ARHGAP12: variants seen among roughly 807,000 people sequenced by gnomAD.
ARHGAP12 encodes rho GTPase-activating protein 12.
A neutral mutation model predicts 108.6 loss-of-function variants in ARHGAP12; 64 were observed. The observed-to-expected ratio is 0.59, with a 90% CI of 0.48 to 0.73. The LOEUF (loss-of-function observed/expected upper bound fraction) is 0.73, where lower values mean the gene tolerates loss of function less well. ARHGAP12 is among the 30% of genes least tolerant of loss of function. The probability of loss-of-function intolerance (pLI) is 0.00; values close to 1 mark genes in which losing one functional copy is unlikely to be tolerated. For synonymous variants in ARHGAP12, 312 were observed against 337.2 expected (o/e 0.93, Z 0.82); for missense variants, 940 against 1,005.9 (o/e 0.93, Z 0.89).
At chr10:31,825,193 T>C (rs2808103) in intron 11 of ARHGAP12, among the ~76,000 whole-genome samples, 37,860 of 151,996 alleles carry the variant, frequency 0.25, 4,924 homozygotes, top group East Asian at 0.38. Context: ...TCAGAGAAGC[T>C]GAGGAATAAT....
At chr10:31,891,864 T>C (rs573768012) in intron 3 of ARHGAP12, among the ~76,000 whole-genome samples, 1 of 152,358 alleles carries the variant, frequency 6.6e-6, no homozygotes, top group South Asian at 2.1e-4. Context: ...TTCTTCCAGC[T>C]GATCGAATTG....
At chr10:31,808,856 TG>T in intron 18 of ARHGAP12, 105 bp from the exon 19 acceptor site, 1 of 1,364,844 alleles carries the variant, frequency 7.3e-7, no homozygotes, top group Non-Finnish European at 1.0e-6. Context: ...TGACATCTGG[TG>T]GTCACATTTA....
At chr10:31,928,132 G>A (rs1434124847) in intron 1 of ARHGAP12, among the ~76,000 whole-genome samples, 3 of 152,174 alleles carry the variant, frequency 2.0e-5, no homozygotes, top group Non-Finnish European at 4.4e-5. Context: ...CGCGATTAGG[G>A]AGTGGGCCCA....
intron 3 of ARHGAP12, among the ~76,000 whole-genome samples, chr10:31,900,153 T>G (rs766182268): frequency 2.0e-5 from 3 of 152,132 alleles, no homozygotes; most frequent in African/African-American, 4.8e-5. Flanking sequence ...AAATACAAAC[T>G]AAAACAATGA....
intron 3 of ARHGAP12, among the ~76,000 whole-genome samples, chr10:31,893,651 A>G (rs538574358): frequency 4.6e-5 from 7 of 152,210 alleles, no homozygotes; most frequent in Non-Finnish European, 2.9e-5. Context: ...ATTCACAGCC[A>G]AATTCTGCCA....
At position 31,809,104 on chromosome 10, in the gene ARHGAP12, C is replaced by T; in HGVS notation, c.2153G>A (p.Ser718Asn). The change falls in exon 18 of 20, where the codon AGT (serine) becomes AAT (asparagine). Residue 718 changes from serine to asparagine, a missense_variant. Coordinates refer to ENST00000344936, the MANE Select transcript of ARHGAP12 (RefSeq NM_018287.7). Reference sequence around the variant, plus strand: ...AATGACATGAATATCTTCCCATTTACTGTCATTCAAGTCCAATTTCTCATC... The same window carrying T: ...AATGACATGAATATCTTCCCATTTATTGTCATTCAAGTCCAATTTCTCATC... The part of the protein sequence containing the change: ...NHDEKLDLND[S>N]KWEDIHVITG... The T allele has an allele frequency of 6.2e-7, 1 of 1,613,536 alleles. No homozygotes were observed. Among genetic ancestry groups the T allele is most frequent in the Non-Finnish European group, 8.5e-7 (1 of 1,179,784 alleles).
intron 4 of ARHGAP12, among the ~76,000 whole-genome samples, chr10:31,854,603 C>G (rs935897634): frequency 6.6e-6 from 1 of 152,120 alleles, no homozygotes; most frequent in Non-Finnish European, 1.5e-5. Flanking sequence ...GACTGAGCTC[C>G]TTCTCATGTA....
intron 3 of ARHGAP12, among the ~76,000 whole-genome samples, chr10:31,900,359 T>A (rs1838867981): frequency 6.6e-6 from 1 of 152,186 alleles, no homozygotes; most frequent in South Asian, 2.1e-4. Flanking sequence ...ATACCATACA[T>A]CATGTTCTTA....
chr10:31,858,175 A>AG (rs1266031553), intron 4 of ARHGAP12, among the ~76,000 whole-genome samples: 1 of 152,172 alleles, frequency 6.6e-6, no homozygotes, highest in Non-Finnish European at 1.5e-5. Flanking sequence ...ACTGTACCCC[A>AG]GCCTGGGCAA....
intron 3 of ARHGAP12, among the ~76,000 whole-genome samples, chr10:31,889,619 G>GTTTTTTTTTTTTTTTT (rs869116452): frequency 1.5e-5 from 1 of 66,418 alleles, no homozygotes; most frequent in Non-Finnish European, 2.6e-5. Context: ...AATTTTTCTC[G>GTTTTTTTTTTTTTTTT]TTTTTTTTTT....
intron 6 of ARHGAP12, among the ~76,000 whole-genome samples, chr10:31,846,186 C>T (rs1592282392): frequency 2.0e-5 from 3 of 152,194 alleles, no homozygotes; most frequent in African/African-American, 4.8e-5. Context: ...CTTTATGAAA[C>T]AGTTGTCTTA....
chr10:31,834,717 T>A (rs1269159697), intron 9 of ARHGAP12, among the ~76,000 whole-genome samples: 1 of 152,190 alleles, frequency 6.6e-6, no homozygotes, highest in South Asian at 2.1e-4. Flanking sequence ...AAGCATGTAG[T>A]TGGCATTCAA....
chr10:31,853,423 T>C (rs1836771974), intron 5 of ARHGAP12, among the ~76,000 whole-genome samples: 1 of 152,102 alleles, frequency 6.6e-6, no homozygotes, highest in Non-Finnish European at 1.5e-5. Flanking sequence ...AAAGACTACA[T>C]ATTGCTAATA....
In ARHGAP12 at chr10:31,898,027, G is replaced by C. The variant is rs116147313; in HGVS notation, c.684+10145C>G. 2.4e-3 allele frequency among the ~76,000 whole-genome samples: 359 copies of C among 152,224 alleles called. 3 individuals are homozygous for C. The highest frequency in any genetic ancestry group is 8.2e-3 in the African/African-American group (342 of 41,528). ...CTGTCCCAGCTACTTGGGAGGCTGA[G>C]GTGGGAAAATCGCTTGAACCCAGGA... On this transcript the variant is annotated intron_variant, in intron 3 of 19. Coordinates refer to ENST00000344936, the MANE Select transcript of ARHGAP12 (RefSeq NM_018287.7).
At chr10:31,850,148 C>T (rs189380092) in intron 6 of ARHGAP12, among the ~76,000 whole-genome samples, 2 of 152,282 alleles carry the variant, frequency 1.3e-5, no homozygotes, top group African/African-American at 4.8e-5. Context: ...CCTCCAAAAA[C>T]TCAACTGGTA....
chr10:31,916,885 G>C (rs1467568473), intron 1 of ARHGAP12, among the ~76,000 whole-genome samples: 1 of 152,036 alleles, frequency 6.6e-6, no homozygotes, highest in African/African-American at 2.4e-5. Flanking sequence ...AAAGTGCTGG[G>C]ATTACAGGTG....
intron 3 of ARHGAP12, among the ~76,000 whole-genome samples, chr10:31,880,270 G>A (rs187938783): frequency 6.6e-6 from 1 of 152,222 alleles, no homozygotes; most frequent in African/African-American, 2.4e-5. Flanking sequence ...ATGAAAAAAT[G>A]TAATGGTGCT....
intron 6 of ARHGAP12, among the ~76,000 whole-genome samples, chr10:31,848,801 G>A (rs1029804167): frequency 7.2e-5 from 11 of 152,066 alleles, no homozygotes; most frequent in Admixed American, 2.0e-4. Flanking sequence ...GGCTAGGCGC[G>A]GTGGCTCACG....
chr10:31,874,535 A>G (rs1431688673), intron 3 of ARHGAP12, among the ~76,000 whole-genome samples: 1 of 152,244 alleles, frequency 6.6e-6, no homozygotes, highest in East Asian at 1.9e-4. Context: ...TTGAAAACAG[A>G]AAGAAAATTA....
Sources: allele counts gnomAD v4.1 joint callset (sites outside exome capture counted in the v4.1 genomes callset), GRCh38; gene constraint gnomAD v4.1.1; transcripts MANE v1.5; gene names NCBI Gene and HGNC (gene_info 2026-07-23, HGNC 2026-07-21).